Variants in STK32B observed in about 807,000 individuals in gnomAD.
The protein encoded by STK32B is serine/threonine kinase 32B, also known as serine/threonine-protein kinase 32B.
In STK32B, 43 loss-of-function variants were observed where a neutral mutation model predicts 52.6. The ratio of observed to expected loss-of-function variants is 0.82; its 90% CI spans 0.64 to 1.05. The LOEUF is 1.05. STK32B is among the 50% of genes least tolerant of loss of function. The pLI is 0.00. For synonymous variants in STK32B, 238 were observed against 204.3 expected, an observed-to-expected ratio of 1.17 and a Z score of -1.41; for missense variants, 621 against 534.6, an observed-to-expected ratio of 1.16 and a Z score of -1.59.
chr4:5,240,001 T>A (rs1238065478), intron 3 of STK32B, among the ~76,000 whole-genome samples: 1 of 152,030 alleles, frequency 6.6e-6, no homozygotes, highest in Non-Finnish European at 1.5e-5. Context: ...CTGACTATCA[T>A]TCTTTCCCAT....
rs866769081 is a variant in STK32B, at chr4:5,446,565, A to T, written c.563-108A>T. The T allele has an allele frequency of 1.8e-3, 1,761 of 954,054 alleles. 24 individuals carry two copies. In the African/African-American group the frequency reaches 0.027, roughly 14 times the overall value. The allele number at this position is 954,054 out of a possible 1,614,324, so 59.1% of individuals were successfully genotyped here. ...GAGCAAAACTCTATCTCAAAAAAAA[A>T]CAAAAAAAAAAAAAACAAGCTCAAT... On this transcript the variant is annotated intron_variant, in intron 6 of 11. Transcript: ENST00000282908.
the STK32B span, among the ~76,000 whole-genome samples, chr4:5,035,110 G>A: frequency 6.6e-6 from 1 of 152,118 alleles, no homozygotes; most frequent in Non-Finnish European, 1.5e-5. Flanking sequence ...CGCTATGCTT[G>A]GTCCAGCCAC....
At chr4:5,451,356 C>T (rs561275659) in intron 7 of STK32B, among the ~76,000 whole-genome samples, 2 of 152,270 alleles carry the variant, frequency 1.3e-5, no homozygotes, top group South Asian at 2.1e-4. Context: ...GGCCTACCCA[C>T]CTGTCAGAAG....
In STK32B at chr4:5,400,597, C is replaced by T. The variant is rs1035851843; in HGVS notation, c.472+2353C>T. Among the ~76,000 whole-genome samples, 3 of 152,174 alleles carry T rather than the reference C, an allele frequency of 2.0e-5. No individual in the cohort carries two copies. Among genetic ancestry groups the T allele is most frequent in the Non-Finnish European group, 4.4e-5 (3 of 68,038 alleles). ...GAATGGCTGATAACCCTTCCCCACTCCAACACTCAATGAGTGGCTTTGCAG... is the reference window on the plus strand; with the variant it reads ...GAATGGCTGATAACCCTTCCCCACTTCAACACTCAATGAGTGGCTTTGCAG... On this transcript the variant is annotated intron_variant, in intron 5 of 11. Coordinates refer to ENST00000282908, the MANE Select transcript of STK32B (RefSeq NM_018401.3). The surrounding 1 kb of genome is among the most constrained non-coding windows in gnomAD (Gnocchi z 6.1).
At chr4:5,264,568 C>T (rs1301721997) in intron 3 of STK32B, among the ~76,000 whole-genome samples, 4 of 151,914 alleles carry the variant, frequency 2.6e-5, no homozygotes, top group African/African-American at 7.3e-5. Context: ...GGGCGGATCA[C>T]GAGGTCGGGG....
At chr4:5,183,115 T>C (rs1488737525) in intron 3 of STK32B, among the ~76,000 whole-genome samples, 1 of 152,186 alleles carries the variant, frequency 6.6e-6, no homozygotes, top group African/African-American at 2.4e-5. Context: ...TAAGTGAGCA[T>C]TGGCTTCAAC....
intron 11 of STK32B, among the ~76,000 whole-genome samples, chr4:5,493,318 G>C (rs1242306135): frequency 1.3e-5 from 2 of 152,184 alleles, no homozygotes; most frequent in African/African-American, 2.4e-5. Context: ...GAGGGTGTAT[G>C]TGTTGAGGAA....
chr4:5,482,375 G>C (rs1718787361), intron 11 of STK32B, among the ~76,000 whole-genome samples: 2 of 152,062 alleles, frequency 1.3e-5, no homozygotes, highest in South Asian at 2.1e-4. Context: ...CTCATGATTT[G>C]GCTCTCTGTT....
intron 4 of STK32B, among the ~76,000 whole-genome samples, chr4:5,397,052 C>T (rs1736967173): frequency 5.3e-5 from 8 of 152,258 alleles, no homozygotes; most frequent in Admixed American, 3.3e-4. Flanking sequence ...ATAGGTTGAG[C>T]GCTTCTTTCA....
intron 7 of STK32B, among the ~76,000 whole-genome samples, chr4:5,449,116 C>T (rs1195249817): frequency 6.6e-6 from 1 of 152,110 alleles, no homozygotes; most frequent in East Asian, 1.9e-4. Flanking sequence ...CCGAGGAGGG[C>T]GGATCACCTG....
intron 3 of STK32B, among the ~76,000 whole-genome samples, chr4:5,319,051 G>T (rs919639577): frequency 6.6e-6 from 1 of 152,000 alleles, no homozygotes; most frequent in Non-Finnish European, 1.5e-5. Flanking sequence ...TGATCCACCC[G>T]CCTTGGCCTC....
intron 3 of STK32B, among the ~76,000 whole-genome samples, chr4:5,329,415 G>T (rs1010163300): frequency 6.6e-6 from 1 of 152,172 alleles, no homozygotes; most frequent in South Asian, 2.1e-4. Context: ...GGGTCATGCT[G>T]TTTCTCTCTC....
chr4:5,314,755 T>C (rs1282646430), intron 3 of STK32B, among the ~76,000 whole-genome samples: 1 of 151,560 alleles, frequency 6.6e-6, no homozygotes, highest in Non-Finnish European at 1.5e-5. Context: ...TAGGAGAAAA[T>C]AGATAGAACC....
chr4:5,216,808 G>T (rs1045260349), intron 3 of STK32B, among the ~76,000 whole-genome samples: 1 of 152,208 alleles, frequency 6.6e-6, no homozygotes, highest in African/African-American at 2.4e-5. Flanking sequence ...TTTAAACCAG[G>T]TGTGGTGGGT....
intron 3 of STK32B, among the ~76,000 whole-genome samples, chr4:5,248,378 G>C (rs887286647): frequency 3.3e-5 from 5 of 152,208 alleles, no homozygotes; most frequent in Non-Finnish European, 5.9e-5. Context: ...TACAAAGAAA[G>C]GGACCTGAAG....
intron 3 of STK32B, among the ~76,000 whole-genome samples, chr4:5,308,831 C>T (rs758876534): frequency 6.6e-6 from 1 of 152,086 alleles, no homozygotes; most frequent in African/African-American, 2.4e-5. Context: ...CCCCTAATAT[C>T]TGGAACCAGA....
At chr4:5,100,617 GCTTTTTCTTTCTTT>G (rs1713694257) in intron 1 of STK32B, among the ~76,000 whole-genome samples, 1 of 61,878 alleles carries the variant, frequency 1.6e-5, no homozygotes, top group African/African-American at 8.1e-5. Flanking sequence ...TTCCTTCCCT[GCTTTTTCTTTCTTT>G]CTCTTTCTTT....
At chr4:5,089,993 G>C (rs1712977631) in intron 1 of STK32B, among the ~76,000 whole-genome samples, 1 of 152,058 alleles carries the variant, frequency 6.6e-6, no homozygotes, top group Non-Finnish European at 1.5e-5. Context: ...TCATATGTTT[G>C]GTGGCTGCGT....
At chr4:5,040,892 C>A in the STK32B span, among the ~76,000 whole-genome samples, 1 of 152,170 alleles carries the variant, frequency 6.6e-6, no homozygotes, top group South Asian at 2.1e-4. Flanking sequence ...CATGAATACC[C>A]TAGGCAACTG....
Sources: gnomAD v4.1 joint callset for allele counts (sites outside exome capture counted in the v4.1 genomes callset) on GRCh38, gnomAD v4.1.1 for gene constraint, Gnocchi (gnomAD v3.1) non-coding constraint, MANE v1.5 for transcripts, NCBI Gene and HGNC (gene_info 2026-07-23, HGNC 2026-07-21) for gene names.